Variants in PDE1C observed in about 807,000 individuals in gnomAD.
PDE1C encodes the protein dual specificity calcium/calmodulin-dependent 3',5'-cyclic nucleotide phosphodiesterase 1C.
A neutral mutation model predicts 93.1 loss-of-function variants in PDE1C; 62 were observed. That is an observed-to-expected ratio of 0.67 (90% CI 0.54 to 0.82). The LOEUF (loss-of-function observed/expected upper bound fraction) is 0.82, where lower values mean the gene tolerates loss of function less well. PDE1C is among the 40% of genes least tolerant of loss of function. The probability of loss-of-function intolerance (pLI) is 0.00; values close to 1 mark genes in which losing one functional copy is unlikely to be tolerated. For missense variants in PDE1C, 742 were observed against 884.6 expected (o/e 0.84, Z 2.04); for synonymous variants, 325 against 310.1 (o/e 1.05, Z -0.50).
chr7:31,869,864 G>C (rs1219573530), intron 6 of PDE1C, among the ~76,000 whole-genome samples: 2 of 151,870 alleles, frequency 1.3e-5, no homozygotes, highest in African/African-American at 4.8e-5. Context: ...CATATGTTAG[G>C]ACACAAAATA....
chr7:32,230,649 CG>C (rs1456650786), intron 1 of PDE1C, among the ~76,000 whole-genome samples: 1 of 152,070 alleles, frequency 6.6e-6, no homozygotes. Flanking sequence ...TGAATGAAAA[CG>C]GTCACTCTAG....
intron 2 of PDE1C, among the ~76,000 whole-genome samples, chr7:31,891,805 T>TACACACAC (rs70989620): frequency 7.5e-4 from 110 of 146,140 alleles, no homozygotes; most frequent in African/African-American, 2.7e-3. Flanking sequence ...AATGCATTCA[T>TACACACAC]ACACACACAC....
chr7:32,119,217 G>A lies in PDE1C; in HGVS notation c.308+50568C>T, dbSNP rs144021221. On this transcript the variant is annotated intron_variant, in intron 3 of 18. Transcript: ENST00000396193. ...CAAGGGGATTCTGAGAAAACTGGAA[G>A]GAAGGGAGACTGCAAACACTCTAAC... is the stretch of plus-strand genomic sequence containing the variant. Among the ~76,000 whole-genome samples the A allele has an allele frequency of 1.6e-3, 239 of 152,268 alleles. 1 individual carries two copies. The highest frequency in any genetic ancestry group is 5.3e-3 in the African/African-American group (222 of 41,564).
At chr7:32,223,575 C>T (rs1807036847) in intron 1 of PDE1C, among the ~76,000 whole-genome samples, 1 of 152,178 alleles carries the variant, frequency 6.6e-6, no homozygotes, top group African/African-American at 2.4e-5. Context: ...CTTCTCTGAC[C>T]ATCCCGTCTC....
At chr7:32,071,048 T>A, upstream of PDE1C, 1 of 985,422 alleles carries the variant, frequency 1.0e-6, no homozygotes, top group Non-Finnish European at 1.2e-6. Flanking sequence ...CGGGCTGGTG[T>A]CTGGGCTGTC....
chr7:31,844,697 T>C (rs1341846668), intron 9 of PDE1C, among the ~76,000 whole-genome samples: 7 of 152,048 alleles, frequency 4.6e-5, no homozygotes, highest in African/African-American at 1.4e-4. Context: ...ATTTGGAAAC[T>C]GTTCAGTCAT....
intron 1 of PDE1C, among the ~76,000 whole-genome samples, chr7:32,065,396 T>C (rs1421181715): frequency 2.0e-5 from 3 of 152,252 alleles, no homozygotes; most frequent in African/African-American, 7.2e-5. Context: ...TTCTTCCTTA[T>C]GACTCTAATG....
chr7:31,707,278 A>T, the PDE1C span: 1 of 1,613,390 alleles, frequency 6.2e-7, no homozygotes, highest in Non-Finnish European at 8.5e-7. Context: ...CAAGATAGCT[A>T]TTTAAAGATA....
chr7:31,788,242 T>C (rs533998008), intron 16 of PDE1C: 26 of 152,280 alleles, frequency 1.7e-4, no homozygotes, highest in African/African-American at 5.8e-4. Flanking sequence ...AGAATATAAA[T>C]GAGGTAAAAG....
chr7:31,949,868 C>T (rs1807120386), intron 2 of PDE1C, among the ~76,000 whole-genome samples: 2 of 152,180 alleles, frequency 1.3e-5, no homozygotes, highest in African/African-American at 4.8e-5. Flanking sequence ...AAGAAGCCAA[C>T]TGTTATCATA....
chr7:32,320,484 C>T (rs215628), intron 1 of PDE1C, among the ~76,000 whole-genome samples: 74,882 of 151,868 alleles, frequency 0.49, 21,677 homozygotes, highest in Admixed American at 0.66. Context: ...AACAAACCTG[C>T]ACATCCTGCA....
chr7:32,207,238 C>T (rs957621151), intron 2 of PDE1C, among the ~76,000 whole-genome samples: 1 of 152,044 alleles, frequency 6.6e-6, no homozygotes. Context: ...AGGCTCTGGC[C>T]ACCCGCCCCC....
rs527370287 is a variant in PDE1C, at chr7:31,826,697, A to G, written c.1285+1595T>C. Among the ~76,000 whole-genome samples, 3 of 152,234 alleles carry G rather than the reference A, an allele frequency of 2.0e-5. No individual in the cohort carries two copies. In the East Asian group the frequency reaches 5.8e-4, roughly 29 times the overall value. ...AGGCCCCGTTACTACCTTAGTTCTGATATTCATCATCTCTTCTTTGTAATC... is the reference window on the plus strand; with the variant it reads ...AGGCCCCGTTACTACCTTAGTTCTGGTATTCATCATCTCTTCTTTGTAATC... On this transcript the variant is annotated intron_variant, in intron 12 of 17. Transcript: ENST00000396191.
intron 14 of PDE1C, among the ~76,000 whole-genome samples, chr7:31,821,475 T>C (rs988825596): frequency 1.3e-5 from 2 of 152,264 alleles, no homozygotes; most frequent in South Asian, 4.1e-4. Context: ...TTTTCAAGTG[T>C]AATGAGTGTA....
At chr7:31,912,996 T>C (rs920313053) in intron 2 of PDE1C, among the ~76,000 whole-genome samples, 1 of 152,162 alleles carries the variant, frequency 6.6e-6, no homozygotes, top group African/African-American at 2.4e-5. Flanking sequence ...TTTTAACCTA[T>C]AGTAATATTT....
intron 11 of PDE1C, among the ~76,000 whole-genome samples, chr7:31,829,632 A>G (rs1790127750): frequency 1.3e-5 from 2 of 152,090 alleles, no homozygotes; most frequent in East Asian, 1.9e-4. Flanking sequence ...TGGGGTCACA[A>G]TGGGAGCTGG....
chr7:31,783,735 G>C (rs112471715), intron 16 of PDE1C: 3 of 152,106 alleles, frequency 2.0e-5, no homozygotes, highest in African/African-American at 7.2e-5. Flanking sequence ...CTTGTATTTG[G>C]AGATATGATG....
chr7:31,707,137 T>C, the PDE1C span: 2 of 1,447,282 alleles, frequency 1.4e-6, no homozygotes, highest in Non-Finnish European at 1.9e-6. Context: ...GTACTGTGTC[T>C]GTCTGCAACG....
At chr7:32,041,799 T>C (rs529691670) in intron 2 of PDE1C, among the ~76,000 whole-genome samples, 1 of 152,312 alleles carries the variant, frequency 6.6e-6, no homozygotes, top group African/African-American at 2.4e-5. Context: ...TTGTTAAGTC[T>C]TCATTAAACT....
Sources: allele counts gnomAD v4.1 joint callset (sites outside exome capture counted in the v4.1 genomes callset), GRCh38; gene constraint gnomAD v4.1.1; transcripts MANE v1.5; gene names NCBI Gene and HGNC (gene_info 2026-07-23, HGNC 2026-07-21).